The following RHOU variants were observed in gnomAD, a reference collection of about 807,000 sequenced individuals.
RHOU encodes the protein rho-related GTP-binding protein RhoU.
In RHOU, 8 loss-of-function variants were observed where a neutral mutation model predicts 12.6. The ratio of observed to expected loss-of-function variants is 0.64; its 90% CI spans 0.37 to 1.15. RHOU has a LOEUF of 1.15. Among genes scored for constraint, RHOU ranks in the 50% most tolerant of loss-of-function variants. The pLI, the probability that RHOU is intolerant of heterozygous loss-of-function variation, is 0.01. For missense variants in RHOU, 258 were observed against 347.0 expected, an observed-to-expected ratio of 0.74 and a Z score of 2.04; for synonymous variants, 161 against 147.4, an observed-to-expected ratio of 1.09 and a Z score of -0.67.
the RHOU span, among the ~76,000 whole-genome samples, chr1:228,704,125 C>A: frequency 4.6e-5 from 7 of 152,180 alleles, no homozygotes; most frequent in African/African-American, 1.7e-4. Flanking sequence ...GAAGGCTCAT[C>A]AAGGACTCAA....
chr1:228,661,374 C>T, the RHOU span, among the ~76,000 whole-genome samples: 12 of 152,162 alleles, frequency 7.9e-5, no homozygotes, highest in African/African-American at 2.9e-4. Flanking sequence ...ATTGCCAAGA[C>T]AATCTTAAGC....
chr1:228,712,828 TAAATAAAATAAAATA>T, the RHOU span, among the ~76,000 whole-genome samples: 99 of 119,160 alleles, frequency 8.3e-4, no homozygotes, highest in Middle Eastern at 5.4e-3. Flanking sequence ...AATAAATAAA[TAAATAAAATAAAATA>T]AAATAAAATA....
chr1:228,693,786 G>A, the RHOU span, among the ~76,000 whole-genome samples: 2 of 152,120 alleles, frequency 1.3e-5, no homozygotes, highest in South Asian at 2.1e-4. Flanking sequence ...ATAATTTTAA[G>A]CTAACTGACA....
chr1:228,716,003 C>G, the RHOU span, among the ~76,000 whole-genome samples: 1 of 151,268 alleles, frequency 6.6e-6, no homozygotes, highest in Non-Finnish European at 1.5e-5. Context: ...CAGTCAACAT[C>G]TTAGGCTCAA....
the RHOU span, among the ~76,000 whole-genome samples, chr1:228,665,436 C>G: frequency 6.6e-6 from 1 of 152,236 alleles, no homozygotes; most frequent in East Asian, 1.9e-4. Context: ...TCCTACTGCT[C>G]TGGTTCTGGC....
rs1662588494 is a variant in RHOU, at chr1:228,735,694, CG to C, written c.-46del. 3 of 1,184,346 alleles carry C rather than the reference CG, an allele frequency of 2.5e-6. No individual in the cohort carries two copies. Among genetic ancestry groups the C allele is most frequent in the Non-Finnish European group, 3.1e-6 (3 of 956,918 alleles). The allele number at this position is 1,184,346 out of a possible 1,614,324, so 73.4% of individuals were successfully genotyped here. On this transcript the variant is annotated 5_prime_UTR_variant, in exon 1 of 3. Transcript: ENST00000366691. The surrounding 1 kb of genome is among the most constrained non-coding windows in gnomAD (Gnocchi z 8.1). ...CAACCCTCCGGGGCGGAGGGGCGGT[CG>C]GGCCGGGCCCTGCTAGCCCGCGACC...
At chr1:228,652,328 G>C in the RHOU span, 4 of 152,228 alleles carry the variant, frequency 2.6e-5, no homozygotes, top group African/African-American at 9.6e-5. Context: ...GGAATTTGCA[G>C]ATTTTGCAAT....
intron 2 of RHOU, among the ~76,000 whole-genome samples, chr1:228,740,207 A>G (rs1001390234): frequency 6.6e-6 from 1 of 152,224 alleles, no homozygotes; most frequent in African/African-American, 2.4e-5. Flanking sequence ...AAAAAAGTTT[A>G]TAATTAGGGA....
the RHOU span, among the ~76,000 whole-genome samples, chr1:228,648,615 T>C: frequency 6.6e-6 from 1 of 152,202 alleles, no homozygotes; most frequent in Non-Finnish European, 1.5e-5. Context: ...TACAGTTGAA[T>C]ATTTTCTTTC....
At chr1:228,689,268 G>A in the RHOU span, among the ~76,000 whole-genome samples, 1 of 151,660 alleles carries the variant, frequency 6.6e-6, no homozygotes, top group Non-Finnish European at 1.5e-5. Context: ...GAGGTCATAT[G>A]TAATCTGTAG....
chr1:228,731,342 T>C (rs1050799146), upstream of RHOU, among the ~76,000 whole-genome samples: 20 of 152,310 alleles, frequency 1.3e-4, no homozygotes, highest in South Asian at 4.1e-4. Flanking sequence ...TAGAAGATTC[T>C]TATGAATAGG....
chr1:228,708,777 C>A, the RHOU span, among the ~76,000 whole-genome samples: 1 of 151,880 alleles, frequency 6.6e-6, no homozygotes, highest in African/African-American at 2.4e-5. Context: ...CAGCTAACAT[C>A]ATAATGACAG....
the RHOU span, among the ~76,000 whole-genome samples, chr1:228,725,965 AG>A: frequency 6.6e-6 from 1 of 152,214 alleles, no homozygotes; most frequent in African/African-American, 2.4e-5. Context: ...TAATTACTTA[AG>A]GTCACCTTTA....
the RHOU span, among the ~76,000 whole-genome samples, chr1:228,689,431 C>T: frequency 1.3e-5 from 2 of 152,148 alleles, no homozygotes; most frequent in Admixed American, 1.3e-4. Context: ...CAAGCTGAAT[C>T]TGCCTGTTGA....
chr1:228,678,540 C>T, the RHOU span, among the ~76,000 whole-genome samples: 4 of 152,044 alleles, frequency 2.6e-5, no homozygotes, highest in South Asian at 2.1e-4. Flanking sequence ...GGAAGTAAAG[C>T]GGCCTTAAGA....
chr1:228,743,789 G>C lies in RHOU; in HGVS notation c.*49G>C. On this transcript the variant is annotated 3_prime_UTR_variant, in exon 3 of 3. Coordinates refer to ENST00000366691, the MANE Select transcript of RHOU (RefSeq NM_021205.6). The surrounding 1 kb of genome is among the most constrained non-coding windows in gnomAD (Gnocchi z 5.1). ...CTATTTTCAGATGAAATCGATATTAGAAGCTATATTAGCTGAAACAACTCC... is the reference window on the plus strand; with the variant it reads ...CTATTTTCAGATGAAATCGATATTACAAGCTATATTAGCTGAAACAACTCC... 6.6e-7 allele frequency: 1 copy of C among 1,521,798 alleles called. No individual in the cohort carries two copies. The highest frequency in any genetic ancestry group is 9.0e-7 in the Non-Finnish European group (1 of 1,115,966). The allele number at this position is 1,521,798 out of a possible 1,614,324, so 94.3% of individuals were successfully genotyped here.
chr1:228,720,914 C>T, the RHOU span, among the ~76,000 whole-genome samples: 2 of 152,206 alleles, frequency 1.3e-5, no homozygotes, highest in Non-Finnish European at 2.9e-5. Context: ...TTAACCAGCG[C>T]TTTCCCCTAA....
chr1:228,681,909 G>C, the RHOU span, among the ~76,000 whole-genome samples: 22,763 of 152,114 alleles, frequency 0.15, 2,115 homozygotes, highest in South Asian at 0.25. Context: ...AGCCAAAGCA[G>C]GTGTCCCCAC....
chr1:228,674,734 T>A, the RHOU span, among the ~76,000 whole-genome samples: 3,463 of 149,316 alleles, frequency 0.023, 100 homozygotes, highest in African/African-American at 0.073. Flanking sequence ...TTTTTTTAAA[T>A]TTTTTTTTAT....
Sources: gnomAD v4.1 joint callset for allele counts (sites outside exome capture counted in the v4.1 genomes callset) on GRCh38, gnomAD v4.1.1 for gene constraint, Gnocchi (gnomAD v3.1) non-coding constraint, MANE v1.5 for transcripts, NCBI Gene and HGNC (gene_info 2026-07-23, HGNC 2026-07-21) for gene names.